The following B3GALT1 variants were observed in gnomAD, a reference collection of about 807,000 sequenced individuals.
B3GALT1 encodes the protein beta-1,3-galactosyltransferase 1.
In B3GALT1, 10 loss-of-function variants were observed where a neutral mutation model predicts 23.2. The ratio of observed to expected loss-of-function variants is 0.43; its 90% CI spans 0.27 to 0.73. The LOEUF is 0.73. B3GALT1 is among the 30% of genes least tolerant of loss of function. The probability of loss-of-function intolerance (pLI) is 0.21; values close to 1 mark genes in which losing one functional copy is unlikely to be tolerated. For missense variants in B3GALT1, 299 were observed against 405.4 expected (o/e 0.74, Z 2.25); for synonymous variants, 156 against 141.5 (o/e 1.10, Z -0.73).
At chr2:167,424,234 A>G (rs1021652302) in intron 1 of B3GALT1, among the ~76,000 whole-genome samples, 1 of 152,214 alleles carries the variant, frequency 6.6e-6, no homozygotes, top group African/African-American at 2.4e-5. Flanking sequence ...AAATTTTGGA[A>G]CAACAGAAAA....
chr2:167,632,831 T>C (rs1456163042), intron 2 of B3GALT1, among the ~76,000 whole-genome samples: 1 of 152,092 alleles, frequency 6.6e-6, no homozygotes, highest in East Asian at 1.9e-4. Flanking sequence ...TTGGCTTTTG[T>C]TGCCATTGCT....
intron 1 of B3GALT1, among the ~76,000 whole-genome samples, chr2:167,479,205 G>A (rs1157162909): frequency 1.3e-5 from 2 of 152,252 alleles, no homozygotes; most frequent in East Asian, 1.9e-4. Flanking sequence ...TGATATTAGT[G>A]TATAGGTAGT....
chr2:167,761,067 C>G (rs1256529645), intron 3 of B3GALT1, among the ~76,000 whole-genome samples: 1 of 152,148 alleles, frequency 6.6e-6, no homozygotes, highest in Non-Finnish European at 1.5e-5. Flanking sequence ...CATTCATTGG[C>G]AGCATGGTCT....
At chr2:167,559,777 C>T (rs968703748) in intron 2 of B3GALT1, among the ~76,000 whole-genome samples, 5 of 152,152 alleles carry the variant, frequency 3.3e-5, no homozygotes, top group African/African-American at 9.7e-5. Context: ...AAGAAATGAA[C>T]AAAGCCTCCA....
chr2:167,839,667 G>A (rs1048466074), intron 4 of B3GALT1, among the ~76,000 whole-genome samples: 4 of 152,160 alleles, frequency 2.6e-5, no homozygotes, highest in Non-Finnish European at 5.9e-5. Context: ...TCACAGAATT[G>A]GAAAAAACTA....
intron 1 of B3GALT1, among the ~76,000 whole-genome samples, chr2:167,440,344 GAAAAAAA>G (rs745706207): frequency 2.6e-4 from 18 of 70,138 alleles, no homozygotes; most frequent in Non-Finnish European, 4.2e-4. Flanking sequence ...GACTCTGTCT[GAAAAAAA>G]AAAAAAAAAA....
chr2:167,425,597 G>A (rs1486506974), intron 1 of B3GALT1, among the ~76,000 whole-genome samples: 1 of 152,200 alleles, frequency 6.6e-6, no homozygotes. Context: ...TGGGTTATCA[G>A]AATTAACTCC....
chr2:167,465,388 A>AT (rs1221714574), intron 1 of B3GALT1, among the ~76,000 whole-genome samples: 3 of 152,038 alleles, frequency 2.0e-5, no homozygotes, highest in Non-Finnish European at 2.9e-5. Context: ...AAATTATAGA[A>AT]TTTTTTTCCT....
chr2:167,382,671 C>G (rs368804226), intron 1 of B3GALT1, among the ~76,000 whole-genome samples: 2 of 152,102 alleles, frequency 1.3e-5, no homozygotes, highest in African/African-American at 2.4e-5. Context: ...TTGGTGAATA[C>G]GGCATATAGA....
intron 1 of B3GALT1, among the ~76,000 whole-genome samples, chr2:167,462,523 A>G (rs1699274480): frequency 1.3e-5 from 2 of 152,122 alleles, no homozygotes; most frequent in Non-Finnish European, 2.9e-5. Context: ...TCTTTTCCAT[A>G]ATCAAATTAT....
intron 1 of B3GALT1, among the ~76,000 whole-genome samples, chr2:167,414,079 A>T (rs1698431697): frequency 6.6e-6 from 1 of 152,130 alleles, no homozygotes; most frequent in African/African-American, 2.4e-5. Context: ...AAGTATACAG[A>T]TTTATTTAAT....
intron 2 of B3GALT1, among the ~76,000 whole-genome samples, chr2:167,628,392 C>T (rs1386736383): frequency 6.7e-6 from 1 of 149,468 alleles, no homozygotes; most frequent in Non-Finnish European, 1.5e-5. Context: ...TATTTCGAAA[C>T]ATGGCTTGTA....
chr2:167,592,796 C>G (rs190614388), intron 2 of B3GALT1, among the ~76,000 whole-genome samples: 338 of 152,174 alleles, frequency 2.2e-3, no homozygotes, highest in South Asian at 3.7e-3. Context: ...TAATCTTATC[C>G]TGGAAAAAGA....
At chr2:167,586,058 G>A (rs77800174) in intron 2 of B3GALT1, among the ~76,000 whole-genome samples, 2,961 of 152,276 alleles carry the variant, frequency 0.019, 51 homozygotes, top group African/African-American at 0.04. Flanking sequence ...TTTTGGAGTG[G>A]CTGGTAGGTG....
intron 1 of B3GALT1, among the ~76,000 whole-genome samples, chr2:167,301,654 G>A (rs1379698006): frequency 1.3e-5 from 2 of 152,206 alleles, no homozygotes; most frequent in East Asian, 1.9e-4. Flanking sequence ...AGGTTCAAGC[G>A]ATTCTCCTGC....
At chr2:167,863,119 G>T (rs1181075669) in intron 4 of B3GALT1, among the ~76,000 whole-genome samples, 2 of 151,822 alleles carry the variant, frequency 1.3e-5, no homozygotes, top group Non-Finnish European at 2.9e-5. Flanking sequence ...TTTTAATCTT[G>T]TAAAACTGAA....
intron 3 of B3GALT1, among the ~76,000 whole-genome samples, chr2:167,752,907 T>G (rs1004177498): frequency 2.0e-5 from 3 of 152,186 alleles, no homozygotes; most frequent in African/African-American, 7.2e-5. Flanking sequence ...ATGCAACAGC[T>G]GAGTGCATGC....
At chr2:167,637,295 A>C (rs1378491414) in intron 2 of B3GALT1, among the ~76,000 whole-genome samples, 1 of 152,018 alleles carries the variant, frequency 6.6e-6, no homozygotes, top group East Asian at 1.9e-4. Flanking sequence ...TTCTGTCACC[A>C]ATGTTCTGAC....
chr2:167,698,451 C>G (rs191492067), intron 3 of B3GALT1, among the ~76,000 whole-genome samples: 27 of 152,244 alleles, frequency 1.8e-4, no homozygotes, highest in African/African-American at 6.0e-4. Flanking sequence ...GATTATCTCC[C>G]TCAAAGTCCC....
Sources: allele counts gnomAD v4.1 joint callset (sites outside exome capture counted in the v4.1 genomes callset), GRCh38; gene constraint gnomAD v4.1.1; transcripts MANE v1.5; gene names NCBI Gene and HGNC (gene_info 2026-07-23, HGNC 2026-07-21).